The following GLI3 variants were observed in gnomAD, a reference collection of about 807,000 sequenced individuals.
GLI3 encodes the protein GLI family zinc finger 3.
In GLI3, 20 loss-of-function variants were observed where a neutral mutation model predicts 100.8. That is an observed-to-expected ratio of 0.20 (90% CI 0.14 to 0.29). The LOEUF is 0.29. Ranked by LOEUF, GLI3 falls within the 10% of genes least tolerant of loss-of-function variation. The probability of loss-of-function intolerance (pLI) is 1.00; values close to 1 mark genes in which losing one functional copy is unlikely to be tolerated. For synonymous variants in GLI3, 938 were observed against 860.5 expected (o/e 1.09, Z -1.58); for missense variants, 2,040 against 2,128.5 (o/e 0.96, Z 0.82).
At chr7:42,235,560 C>A (rs1021031946) in intron 1 of GLI3, among the ~76,000 whole-genome samples, 1 of 152,160 alleles carries the variant, frequency 6.6e-6, no homozygotes. Flanking sequence ...ACAAAAATCA[C>A]ATTTAAGAGG....
intron 2 of GLI3, among the ~76,000 whole-genome samples, chr7:42,161,309 G>A (rs1244469552): frequency 6.6e-6 from 1 of 152,186 alleles, no homozygotes; most frequent in African/African-American, 2.4e-5. Flanking sequence ...TTGGAACACA[G>A]CCAGGCTCAT....
intron 3 of GLI3, among the ~76,000 whole-genome samples, chr7:42,120,291 C>T (rs1459833465): frequency 2.0e-5 from 3 of 152,170 alleles, no homozygotes; most frequent in Non-Finnish European, 4.4e-5. Context: ...TCTGATTGGG[C>T]TGATTTCTCT....
At chr7:42,172,566 T>C (rs1275931286) in intron 2 of GLI3, 2 of 702,916 alleles carry the variant, frequency 2.8e-6, no homozygotes, top group African/African-American at 3.5e-5. Context: ...GCTTCCCCCT[T>C]TCAAGGTAGC....
intron 4 of GLI3, among the ~76,000 whole-genome samples, chr7:42,075,816 C>G (rs1238859727): frequency 6.6e-6 from 1 of 152,184 alleles, no homozygotes; most frequent in African/African-American, 2.4e-5. Context: ...TCAATTAATT[C>G]TGTTCACAGA....
At chr7:41,976,302 G>A (rs747439505) in intron 12 of GLI3, among the ~76,000 whole-genome samples, 1 of 152,270 alleles carries the variant, frequency 6.6e-6, no homozygotes, top group African/African-American at 2.4e-5. Context: ...ATGAGATTCC[G>A]AATAACTCCA....
chr7:42,075,114 C>T (rs376803912), intron 4 of GLI3, among the ~76,000 whole-genome samples: 1 of 152,028 alleles, frequency 6.6e-6, no homozygotes, highest in African/African-American at 2.4e-5. Context: ...TGTTATATTC[C>T]GCCATAGAAC....
intron 10 of GLI3, among the ~76,000 whole-genome samples, chr7:41,981,758 G>A (rs1301603458): frequency 2.6e-5 from 4 of 152,232 alleles, no homozygotes; most frequent in South Asian, 4.1e-4. Flanking sequence ...CCAAAGTGAC[G>A]GGGAAGGTAT....
intron 2 of GLI3, among the ~76,000 whole-genome samples, chr7:42,169,892 A>G (rs949411510): frequency 2.0e-5 from 3 of 152,014 alleles, no homozygotes; most frequent in Non-Finnish European, 4.4e-5. Flanking sequence ...ATTACAATCA[A>G]TTGAAATATA....
At chr7:42,042,502 C>G (rs990124342) in intron 6 of GLI3, among the ~76,000 whole-genome samples, 2 of 152,160 alleles carry the variant, frequency 1.3e-5, no homozygotes, top group African/African-American at 4.8e-5. Context: ...TAATCCTGGA[C>G]AATAATTGCC....
rs13224961 is a variant in GLI3 at position 42,218,564 on chromosome 7, A to C, written c.124+4566T>G. ...AGTGACCAAAAGTTAAAGCAAAAAA[A>C]AAAGCAACTCCTTAGGAATTTGCAG... On this transcript the variant is annotated intron_variant, in intron 2 of 14. Transcript: ENST00000395925. 3.9e-5 allele frequency among the ~76,000 whole-genome samples: 6 copies of C among 152,216 alleles called. No homozygotes were observed. In the East Asian group the frequency reaches 1.2e-3, roughly 30 times the overall value.
At chr7:42,197,085 T>C (rs1339288261) in intron 2 of GLI3, among the ~76,000 whole-genome samples, 4 of 152,182 alleles carry the variant, frequency 2.6e-5, no homozygotes, top group Non-Finnish European at 4.4e-5. Context: ...CCCCTGATAC[T>C]TAGGGCAGGA....
chr7:42,043,674 C>G (rs759140143), intron 6 of GLI3, among the ~76,000 whole-genome samples: 1 of 152,152 alleles, frequency 6.6e-6, no homozygotes, highest in Non-Finnish European at 1.5e-5. Context: ...TTACCATATA[C>G]TCAGGCAAAT....
In GLI3 at chr7:42,203,845, A is replaced by T. The variant is rs970470042; in HGVS notation, c.124+19285T>A. 5.9e-5 allele frequency among the ~76,000 whole-genome samples: 9 copies of T among 152,244 alleles called. No homozygotes were observed. In the South Asian group the frequency reaches 1.2e-3, roughly 21 times the overall value. ...GAAACCCTGTCTCTACTAAAGATAC[A>T]AAAGTTAGCTGGATGTAGTGGTACA... On this transcript the variant is annotated intron_variant, in intron 2 of 14. Transcript: ENST00000395925.
At chr7:42,087,352 G>A (rs140609716) in intron 3 of GLI3, among the ~76,000 whole-genome samples, 2 of 152,262 alleles carry the variant, frequency 1.3e-5, no homozygotes, top group East Asian at 3.9e-4. Context: ...GCAGATGCAT[G>A]CACACCCTGG....
intron 3 of GLI3, among the ~76,000 whole-genome samples, chr7:42,125,355 A>G (rs1431043582): frequency 6.6e-6 from 1 of 152,230 alleles, no homozygotes; most frequent in African/African-American, 2.4e-5. Context: ...AAGGCTGAAC[A>G]ACAGCAGCAG....
At chr7:42,102,807 T>C (rs895273803) in intron 3 of GLI3, among the ~76,000 whole-genome samples, 1 of 152,172 alleles carries the variant, frequency 6.6e-6, no homozygotes, top group African/African-American at 2.4e-5. Context: ...CATTTGAAAC[T>C]TTTGTCTTTA....
In GLI3 at chr7:41,965,644, G is replaced by A. The variant is rs530155155; in HGVS notation, c.3429C>T (p.Phe1143=). Residue 1143 remains phenylalanine (F), a synonymous_variant, in exon 15 of 15, where the codon TTC becomes TTT. Transcript: ENST00000395925. The part of the protein sequence containing the change: ...GLPDSHAGQQ[F]HALEQPCPEG... ...CGGGGCAGGGCTGCTCGAGGGCATG[G>A]AACTGCTGGCCAGCGTGGCTGTCTG... 46 of 1,612,370 alleles carry A rather than the reference G, an allele frequency of 2.9e-5. 2 individuals carry two copies. In the South Asian group the frequency reaches 4.7e-4, roughly 17 times the overall value.
intron 9 of GLI3, among the ~76,000 whole-genome samples, chr7:42,024,577 G>T (rs1276991924): frequency 3.3e-5 from 5 of 152,184 alleles, no homozygotes; most frequent in Non-Finnish European, 7.3e-5. Context: ...CTATGGTGGG[G>T]AATTAGCATT....
chr7:42,215,320 T>C (rs1788354747), intron 2 of GLI3, among the ~76,000 whole-genome samples: 1 of 152,126 alleles, frequency 6.6e-6, no homozygotes, highest in Non-Finnish European at 1.5e-5. Flanking sequence ...AGCAGACATA[T>C]CTGGAAACGT....
Sources: allele counts gnomAD v4.1 joint callset (sites outside exome capture counted in the v4.1 genomes callset), GRCh38; gene constraint gnomAD v4.1.1; transcripts MANE v1.5; gene names NCBI Gene and HGNC (gene_info 2026-07-23, HGNC 2026-07-21).